The following ABCB7 variants were observed in gnomAD, a reference collection of about 807,000 sequenced individuals.
The protein encoded by ABCB7 is iron-sulfur clusters transporter ABCB7, mitochondrial.
In ABCB7, 7 loss-of-function variants were observed where a neutral mutation model predicts 54.4. The ratio of observed to expected loss-of-function variants is 0.13; its 90% CI spans 0.07 to 0.24. ABCB7 has a LOEUF of 0.24. Among genes scored for constraint, ABCB7 ranks in the 10% least tolerant of loss-of-function variants. The pLI, the probability that ABCB7 is intolerant of heterozygous loss-of-function variation, is 1.00. For missense variants in ABCB7, 356 were observed against 570.4 expected (o/e 0.62, Z 3.83); for synonymous variants, 218 against 207.1 (o/e 1.05, Z -0.45).
At chrX:75,060,158 C>G (rs2081271539) in intron 15 of ABCB7, 65 bp downstream of exon 15, 3 of 902,195 alleles carry the variant, frequency 3.3e-6, no homozygotes, top group Admixed American at 4.6e-5. Context: ...AATATTTAAG[C>G]TTCTTGTATC....
At chrX:75,070,110 G>T (rs1216672570) in intron 10 of ABCB7, among the ~76,000 whole-genome samples, 2 of 110,642 alleles carry the variant, frequency 1.8e-5, no homozygotes, top group Non-Finnish European at 3.8e-5. Flanking sequence ...TTGATCTCAG[G>T]TGATCCACCC....
chrX:75,069,220 A>G, intron 11 of ABCB7, 71 bp downstream of exon 11: 1 of 1,199,566 alleles, frequency 8.3e-7, no homozygotes, highest in Non-Finnish European at 1.1e-6. Context: ...TCATTTTGAT[A>G]AAGAAAGAAA....
intron 1 of ABCB7, among the ~76,000 whole-genome samples, chrX:75,151,163 C>G (rs189960925): frequency 2.7e-5 from 3 of 111,477 alleles, no homozygotes; most frequent in Non-Finnish European, 5.7e-5. Flanking sequence ...ATGAAATTTT[C>G]TTCCTCTTCC....
At chrX:75,080,966 T>G (rs2081450742) in intron 4 of ABCB7, among the ~76,000 whole-genome samples, 2 of 111,414 alleles carry the variant, frequency 1.8e-5, no homozygotes, top group Non-Finnish European at 3.8e-5. Flanking sequence ...TCTCACTCCA[T>G]TCAGCAGTAA....
chrX:75,149,824 A>C (rs1304169564), intron 1 of ABCB7, among the ~76,000 whole-genome samples: 1 of 111,092 alleles, frequency 9.0e-6, no homozygotes, highest in Non-Finnish European at 1.9e-5. Flanking sequence ...CATTTGAAAA[A>C]TAGGCACCAG....
rs1340989 is a variant in ABCB7, at chrX:75,065,162, G to A, written c.1739C>T (p.Ala580Val). 0.015 allele frequency: 18,602 copies of A among 1,207,121 alleles called. 1,811 individuals are homozygous for A. The African/African-American group carries it at 0.29, about 19-fold the overall frequency. The change falls in exon 13 of 16, where the codon GCA (alanine) becomes GTA (valine). Residue 580 changes from alanine to valine, a missense_variant. Coordinates refer to ENST00000373394, the MANE Select transcript of ABCB7 (RefSeq NM_001271696.3). ...ATGAAGTCCAGCTAATTTTGCCACT[G>A]CATACACTTCCTCAGGTGAAGCACT... The part of the protein sequence containing the change: ...NISASPEEVY[A>V]VAKLAGLHDA...
intron 13 of ABCB7, among the ~76,000 whole-genome samples, chrX:75,064,104 G>C (rs941627074): frequency 9.0e-6 from 1 of 111,530 alleles, no homozygotes; most frequent in Non-Finnish European, 1.9e-5. Context: ...ATACTACCAG[G>C]TAATGACCCA....
chrX:75,102,463 T>C (rs1328141162), intron 3 of ABCB7, among the ~76,000 whole-genome samples: 1 of 111,548 alleles, frequency 9.0e-6, no homozygotes, highest in Non-Finnish European at 1.9e-5. Context: ...CTTAACATAC[T>C]AACCTCCAGT....
rs1300055905 is a variant in ABCB7, at chrX:75,053,042, T to A, written c.*328A>T. 1 of 233,013 alleles carries A rather than the reference T, an allele frequency of 4.3e-6. No homozygotes were observed. Among genetic ancestry groups the A allele is most frequent in the South Asian group, 8.3e-5 (1 of 12,055 alleles). 19.2% of individuals were successfully genotyped at this position (233,013 alleles called of 1,213,427 possible). On this transcript the variant is annotated 3_prime_UTR_variant, in exon 16 of 16. Transcript: ENST00000373394. ...GTCAGCATAAAGGTTTTAAAAACTA[T>A]AAAAATTGGGAAACCAATCTGATTC... is the stretch of plus-strand genomic sequence containing the variant.
chrX:75,153,141 G>A (rs193015018), intron 1 of ABCB7, among the ~76,000 whole-genome samples: 193 of 110,711 alleles, frequency 1.7e-3, no homozygotes, highest in Non-Finnish European at 2.5e-3. Context: ...GCACTGGCGC[G>A]ATCTTAGCTC....
chrX:75,095,645 C>T (rs1283977781), intron 4 of ABCB7, among the ~76,000 whole-genome samples: 1 of 112,207 alleles, frequency 8.9e-6, no homozygotes, highest in Non-Finnish European at 1.9e-5. Flanking sequence ...TTTGAAAGTA[C>T]TAGCAGGCAC....
intron 1 of ABCB7, among the ~76,000 whole-genome samples, chrX:75,155,171 C>T (rs1228994910): frequency 8.8e-6 from 1 of 113,101 alleles, no homozygotes; most frequent in Non-Finnish European, 1.9e-5. Flanking sequence ...GAAGGCATAA[C>T]TGTATGTCTC....
In ABCB7 at chrX:75,112,907, G is replaced by A. The variant is rs140031135; in HGVS notation, c.312C>T (p.Leu104=). The A allele has an allele frequency of 9.9e-3, 11,941 of 1,207,746 alleles. 74 individuals are homozygous for A. The highest frequency in any genetic ancestry group is 0.051 in the South Asian group (2,893 of 56,674). Residue 104 remains leucine (L), a synonymous_variant, in exon 3 of 16, where the codon CTC becomes CTT. Transcript: ENST00000373394. Reference sequence around the variant, plus strand: ...TTACCCCTTCTTTTGGGTCTGTGTGGAGTCCTCCTCCTGCATGACCATGCC... The same window carrying A: ...TTACCCCTTCTTTTGGGTCTGTGTGAAGTCCTCCTCCTGCATGACCATGCC... The part of the protein sequence containing the change: ...TCWHGHAGGG[L]HTDPKEGLKD...
chrX:75,092,153 C>T (rs1375235918), intron 4 of ABCB7, among the ~76,000 whole-genome samples: 2 of 111,281 alleles, frequency 1.8e-5, no homozygotes, highest in Non-Finnish European at 3.8e-5. Flanking sequence ...GGAGGTCTGA[C>T]ACTACCTGAC....
chrX:75,146,609 CT>C (rs944777903), intron 1 of ABCB7, among the ~76,000 whole-genome samples: 1 of 111,860 alleles, frequency 8.9e-6, no homozygotes, highest in African/African-American at 3.3e-5. Context: ...GGATAACTGG[CT>C]AGCCACAGGC....
intron 3 of ABCB7, among the ~76,000 whole-genome samples, chrX:75,100,904 C>T (rs984609305): frequency 2.0e-4 from 22 of 111,186 alleles, no homozygotes; most frequent in African/African-American, 7.2e-4. Context: ...TTAATAGAAA[C>T]AAAATTGGAA....
chrX:75,153,773 T>TATAA (rs1315348493), intron 1 of ABCB7, among the ~76,000 whole-genome samples: 1 of 91,339 alleles, frequency 1.1e-5, no homozygotes, highest in Middle Eastern at 5.2e-3. Flanking sequence ...TATATATATA[T>TATAA]AAAATATATA....
chrX:75,121,028 C>A (rs1193281515), intron 1 of ABCB7, among the ~76,000 whole-genome samples: 1 of 111,031 alleles, frequency 9.0e-6, no homozygotes, highest in African/African-American at 3.3e-5. Context: ...GTGGCTCACA[C>A]CTGTAATCCC....
At chrX:75,080,614 T>C (rs1000704760) in intron 4 of ABCB7, among the ~76,000 whole-genome samples, 7 of 111,566 alleles carry the variant, frequency 6.3e-5, no homozygotes, top group Non-Finnish European at 1.1e-4. Flanking sequence ...TGCTGTATCA[T>C]TTTACAATAA....
Sources: allele counts gnomAD v4.1 joint callset (sites outside exome capture counted in the v4.1 genomes callset), GRCh38; gene constraint gnomAD v4.1.1; transcripts MANE v1.5; gene names NCBI Gene and HGNC (gene_info 2026-07-23, HGNC 2026-07-21).